The following COPB1 variants were observed in gnomAD, a reference collection of about 807,000 sequenced individuals.
COPB1 encodes coat protein complex I subunit beta 1.
COPB1 carries 21 observed loss-of-function variants against 108.7 expected under a neutral mutation model. The observed-to-expected ratio is 0.19, with a 90% CI of 0.14 to 0.28. The LOEUF is 0.28. Among genes scored for constraint, COPB1 ranks in the 10% least tolerant of loss-of-function variants. The pLI is 1.00. For missense variants in COPB1, 919 were observed against 1,141.3 expected, an observed-to-expected ratio of 0.81 and a Z score of 2.81; for synonymous variants, 378 against 386.8, an observed-to-expected ratio of 0.98 and a Z score of 0.27.
intron 2 of COPB1, among the ~76,000 whole-genome samples, chr11:14,495,067 T>G (rs1276707747): frequency 6.6e-6 from 1 of 152,236 alleles, no homozygotes; most frequent in Non-Finnish European, 1.5e-5. Flanking sequence ...AGTCATTATT[T>G]AGAATTAAGG....
At chr11:14,460,142 TACAGGA>T in intron 20 of COPB1, 60 bp downstream of exon 20, 1 of 979,124 alleles carries the variant, frequency 1.0e-6, no homozygotes, top group East Asian at 2.4e-5. Context: ...CTAGAGGAAA[TACAGGA>T]AGGCCAGGAA....
At position 14,457,611 on chromosome 11, in the gene COPB1, CTT is replaced by C. The variant is rs1850057177; in HGVS notation, c.*211_*212del. ...GTCTTGGTACATGAAACATTATATACTTTGAGGACAGCATTCAGAACTGTTAA... is the reference window on the plus strand; with the variant it reads ...GTCTTGGTACATGAAACATTATATACTGAGGACAGCATTCAGAACTGTTAA... On this transcript the variant is annotated 3_prime_UTR_variant, in exon 22 of 22. Coordinates refer to ENST00000439561, the MANE Select transcript of COPB1 (RefSeq NM_001144061.2). The C allele has an allele frequency of 2.2e-6, 1 of 460,360 alleles. No homozygotes were observed. The allele number at this position is 460,360 out of a possible 1,614,324, so 28.5% of individuals were successfully genotyped here.
At chr11:14,499,520 C>A (rs992699763) in intron 1 of COPB1, 187 bp downstream of exon 1, 3 of 151,960 alleles carry the variant, frequency 2.0e-5, no homozygotes, top group Non-Finnish European at 4.4e-5. Flanking sequence ...AGACCCCCGG[C>A]CAATACAAAG....
chr11:14,458,756 T>C (rs1589949464), intron 20 of COPB1, 69 bp from the exon 21 acceptor site: 3 of 1,279,138 alleles, frequency 2.3e-6, no homozygotes, highest in Admixed American at 2.6e-5. Context: ...CCAAACAGCA[T>C]AGGTGACTTT....
Position 14,490,589 on chromosome 11 carries a change from A to G in COPB1, c.582T>C (p.Phe194=). 1 of 1,610,520 alleles carries G rather than the reference A, an allele frequency of 6.2e-7. No homozygotes were observed. Among genetic ancestry groups the G allele is most frequent in the Non-Finnish European group, 8.5e-7 (1 of 1,177,580 alleles). The change falls in exon 5 of 22, where the codon TTT becomes TTC. Residue 194 remains phenylalanine (F), a synonymous_variant. Transcript: ENST00000439561. ...CCTGATCTGCATGAATTAGCATCAT[A>G]AATGCATTCCTTTTGCAACTTGCAT... ...EKDASCKRNA[F]MMLIHADQDR... is the part of the protein sequence containing the mutation.
intron 10 of COPB1, 91 bp from the exon 11 acceptor site, chr11:14,479,805 CT>C (rs1478742462): frequency 3.9e-6 from 5 of 1,292,136 alleles, no homozygotes; most frequent in East Asian, 2.5e-5. Flanking sequence ...GAATGTAATT[CT>C]TTTTTTGTTT....
intron 2 of COPB1, among the ~76,000 whole-genome samples, chr11:14,495,757 G>A (rs1851005122): frequency 6.6e-6 from 1 of 152,166 alleles, no homozygotes; most frequent in Non-Finnish European, 1.5e-5. Flanking sequence ...CTTCAATTAA[G>A]ACTAGGGCAT....
rs774626201 is a variant in COPB1, at chr11:14,457,877, C to T, written c.2809G>A (p.Ala937Thr). The T allele has an allele frequency of 6.4e-7, 1 of 1,567,936 alleles. No individual in the cohort carries two copies. The highest frequency in any genetic ancestry group is 1.2e-5 in the South Asian group (1 of 85,694). The change falls in exon 22 of 22, where the codon GCC becomes ACC. Residue 937 changes from alanine to threonine, a missense_variant. Around this residue, in one of 5 missense-constraint regions of COPB1, gnomAD observed 705 missense variants for 817.8 expected, o/e 0.86. Transcript: ENST00000439561. ...TTGATTTTATCTCCAAGACTTAAGG[C>T]CATTCCCTGTAAAGAAAAATTAAGA... ...IRIRAKSQGMALSLGDKINLS... is the reference protein window; with the variant it reads ...IRIRAKSQGMTLSLGDKINLS...
chr11:14,478,435 AAAAAC>A (rs1431585456), intron 11 of COPB1, among the ~76,000 whole-genome samples: 1 of 112,622 alleles, frequency 8.9e-6, no homozygotes, highest in Non-Finnish European at 2.1e-5. Context: ...TAAATAAAGT[AAAAAC>A]AAAACAAAAA....
At chr11:14,475,030 G>T (rs977243135) in intron 13 of COPB1, among the ~76,000 whole-genome samples, 1 of 142,414 alleles carries the variant, frequency 7.0e-6, no homozygotes, top group African/African-American at 2.6e-5. Flanking sequence ...CAGGAGACAG[G>T]TTGCAGTGAG....
chr11:14,480,059 C>T (rs1319470484), intron 10 of COPB1, among the ~76,000 whole-genome samples: 2 of 152,184 alleles, frequency 1.3e-5, no homozygotes, highest in Non-Finnish European at 2.9e-5. Context: ...TTGCCTAGCC[C>T]TCCCAAAGTG....
chr11:14,459,276 A>G (rs776649096), intron 20 of COPB1, among the ~76,000 whole-genome samples: 2 of 152,166 alleles, frequency 1.3e-5, no homozygotes, highest in Non-Finnish European at 2.9e-5. Context: ...TGCCTCCCAT[A>G]TCAGACCTTA....
chr11:14,468,911 T>C (rs550184049), intron 15 of COPB1, 51 bp from the exon 16 acceptor site: 127 of 1,503,910 alleles, frequency 8.4e-5, no homozygotes, highest in Non-Finnish European at 9.1e-7. Context: ...AGATAGTTTT[T>C]TAGAGGCTTT....
Position 14,466,874 on chromosome 11 carries a change from T to C in COPB1, c.2146-448A>G, listed in dbSNP as rs901009259. 4.6e-5 allele frequency among the ~76,000 whole-genome samples: 7 copies of C among 152,158 alleles called. 1 individual carries two copies. In the East Asian group the frequency reaches 1.3e-3, roughly 29 times the overall value. On this transcript the variant is annotated intron_variant, in intron 16 of 21. Coordinates refer to ENST00000439561, the MANE Select transcript of COPB1 (RefSeq NM_001144061.2). ...AAAATCCAAATCATGTGGTAGCCCT[T>C]GCTCCACAAACTGAGGCACTAAACA...
intron 4 of COPB1, among the ~76,000 whole-genome samples, chr11:14,491,791 T>C (rs749899582): frequency 6.6e-6 from 1 of 152,164 alleles, no homozygotes; most frequent in Non-Finnish European, 1.5e-5. Flanking sequence ...CAACACACCA[T>C]CTGTTAACCA....
intron 6 of COPB1, 65 bp downstream of exon 6, chr11:14,488,427 G>C (rs751560269): frequency 4.7e-5 from 41 of 874,278 alleles, no homozygotes; most frequent in Non-Finnish European, 6.8e-5. Context: ...ATCCCAGAAA[G>C]AAAGTATTTA....
At chr11:14,477,539 A>G (rs1321780726) in intron 11 of COPB1, among the ~76,000 whole-genome samples, 1 of 151,780 alleles carries the variant, frequency 6.6e-6, no homozygotes, top group African/African-American at 2.4e-5. Context: ...TAAAAATACA[A>G]AAATCAGCCA....
At chr11:14,490,504 G>T in intron 5 of COPB1, 61 bp downstream of exon 5, 1 of 930,626 alleles carries the variant, frequency 1.1e-6, no homozygotes. Flanking sequence ...TTAAGTCTAT[G>T]TAATACTTTC....
At chr11:14,471,930 AT>A (rs891790987) in intron 14 of COPB1, among the ~76,000 whole-genome samples, 2 of 151,698 alleles carry the variant, frequency 1.3e-5, no homozygotes, top group Non-Finnish European at 2.9e-5. Context: ...CTAAAAAAAA[AT>A]TTTTTTTTAG....
Sources: gnomAD v4.1 joint callset for allele counts (sites outside exome capture counted in the v4.1 genomes callset) on GRCh38, gnomAD v4.1.1 for gene constraint, gnomAD v4.1.1 regional missense constraint, MANE v1.5 for transcripts, NCBI Gene and HGNC (gene_info 2026-07-23, HGNC 2026-07-21) for gene names.